The following CA1 variants were observed in gnomAD, a reference collection of about 807,000 sequenced individuals.
CA1 encodes the protein carbonic anhydrase 1, also known as carbonate dehydratase I.
In CA1, 27 loss-of-function variants were observed where a neutral mutation model predicts 28.8. That is an observed-to-expected ratio of 0.94 (90% CI 0.69 to 1.29). The LOEUF (loss-of-function observed/expected upper bound fraction) is 1.29, where lower values mean the gene tolerates loss of function less well. Among genes scored for constraint, CA1 ranks in the 50% most tolerant of loss-of-function variants. CA1 has a pLI of 0.00. For missense variants in CA1, 335 were observed against 310.5 expected, an observed-to-expected ratio of 1.08 and a Z score of -0.59; for synonymous variants, 121 against 108.8, an observed-to-expected ratio of 1.11 and a Z score of -0.70.
intron 1 of CA1, among the ~76,000 whole-genome samples, chr8:85,372,478 T>G (rs564844098): frequency 6.6e-6 from 1 of 152,284 alleles, no homozygotes; most frequent in South Asian, 2.1e-4. Flanking sequence ...AGTATATATC[T>G]GAAAGAAGTG....
intron 1 of CA1, among the ~76,000 whole-genome samples, chr8:85,349,598 T>C (rs1273347917): frequency 1.3e-5 from 2 of 152,228 alleles, no homozygotes; most frequent in Non-Finnish European, 2.9e-5. Context: ...ACCACCATTA[T>C]CTTTGGAGAG....
chr8:85,331,780 T>C (rs1808417378), intron 6 of CA1, among the ~76,000 whole-genome samples: 1 of 152,082 alleles, frequency 6.6e-6, no homozygotes, highest in Non-Finnish European at 1.5e-5. Context: ...TCTTATTTTA[T>C]TCTTTTCTGC....
chr8:85,355,810 G>A (rs1300380813), intron 1 of CA1, among the ~76,000 whole-genome samples: 2 of 151,336 alleles, frequency 1.3e-5, no homozygotes, highest in African/African-American at 2.4e-5. Context: ...CTTATTATGT[G>A]AACCAAGCCA....
chr8:85,347,530 G>A (rs1483164465), intron 1 of CA1, among the ~76,000 whole-genome samples: 1 of 152,118 alleles, frequency 6.6e-6, no homozygotes, highest in East Asian at 1.9e-4. Flanking sequence ...GTAATTTCAG[G>A]TGGGCTGGCC....
intron 6 of CA1, among the ~76,000 whole-genome samples, chr8:85,331,234 C>G (rs1808381128): frequency 6.6e-6 from 1 of 152,034 alleles, no homozygotes; most frequent in Admixed American, 6.5e-5. Context: ...TTCAAATTTA[C>G]TGGCATAATG....
chr8:85,336,228 A>G (rs1207714098), intron 4 of CA1, among the ~76,000 whole-genome samples: 1 of 152,204 alleles, frequency 6.6e-6, no homozygotes, highest in Non-Finnish European at 1.5e-5. Context: ...AATTATATAT[A>G]TTATAGAATT....
At position 85,341,652 on chromosome 8, in the gene CA1, T is replaced by G. The variant is rs1564027592; in HGVS notation, c.-17A>C. ...ACTTGCCATTATCTTCTACTGAGTTTTCTTTTTCTGAAAACAAAAATAATA... is the reference window on the plus strand; with the variant it reads ...ACTTGCCATTATCTTCTACTGAGTTGTCTTTTTCTGAAAACAAAAATAATA... On this transcript the variant is annotated 5_prime_UTR_variant, in exon 2 of 8. Coordinates refer to ENST00000523022, the MANE Select transcript of CA1 (RefSeq NM_001128831.4). The G allele has an allele frequency of 5.7e-6, 9 of 1,581,764 alleles. No homozygotes were observed. Among genetic ancestry groups the G allele is most frequent in the Non-Finnish European group, 7.8e-6 (9 of 1,150,834 alleles).
chr8:85,364,156 A>T (rs1809917600), intron 1 of CA1, among the ~76,000 whole-genome samples: 1 of 152,010 alleles, frequency 6.6e-6, no homozygotes, highest in African/African-American at 2.4e-5. Context: ...CCCCAAATTT[A>T]TTCTGTGTCT....
rs1809094385 is a variant in CA1, at chr8:85,344,377, T to C, written c.-24-2718A>G. Among the ~76,000 whole-genome samples the C allele has an allele frequency of 2.1e-5, 3 of 145,200 alleles. No individual in the cohort carries two copies. The South Asian group carries it at 6.3e-4, about 31-fold the overall frequency. On this transcript the variant is annotated intron_variant, in intron 1 of 7. Transcript: ENST00000523022. ...TATGTATATTAGATTATTACATTTATTTATTAACACCAATTAATTTCTAAA... is the reference window on the plus strand; with the variant it reads ...TATGTATATTAGATTATTACATTTACTTATTAACACCAATTAATTTCTAAA...
intron 7 of CA1, 52 bp from the exon 8 acceptor site, chr8:85,328,728 C>G: frequency 8.4e-7 from 1 of 1,185,138 alleles, no homozygotes; most frequent in South Asian, 1.3e-5. Flanking sequence ...TTACATAAAG[C>G]GTTTTATTTA....
chr8:85,370,050 G>C (rs1383255470), intron 1 of CA1, among the ~76,000 whole-genome samples: 1 of 152,140 alleles, frequency 6.6e-6, no homozygotes, highest in Admixed American at 6.6e-5. Context: ...AACTGAAATG[G>C]GGGGGAAGTT....
At chr8:85,333,390 T>C in intron 5 of CA1, 135 bp downstream of exon 5, 2 of 629,496 alleles carry the variant, frequency 3.2e-6, no homozygotes, top group Non-Finnish European at 5.8e-6. Context: ...GAACTATTTG[T>C]TCACCTGTAG....
chr8:85,336,985 C>T lies in CA1; in HGVS notation c.314G>A (p.Gly105Asp). The change falls in exon 4 of 8, where the codon GGT becomes GAT. Residue 105 changes from glycine to aspartate, a missense_variant. Physicochemically the swap from Gly to Asp is moderately conservative, Grantham distance 94 (BLOSUM62 -1). Transcript: ENST00000523022. The part of the protein sequence containing the change: ...HFHWGSTNEH[G>D]SEHTVDGVKY... Reference sequence around the variant, plus strand: ...GACTCCATCCACTGTATGTTCTGAACCATGCTCATTTGTACTGCCCCAGTG... The same window carrying T: ...GACTCCATCCACTGTATGTTCTGAATCATGCTCATTTGTACTGCCCCAGTG... 5 of 1,612,586 alleles carry T rather than the reference C, an allele frequency of 3.1e-6. No homozygotes were observed. Among genetic ancestry groups the T allele is most frequent in the Non-Finnish European group, 4.2e-6 (5 of 1,178,746 alleles).
intron 1 of CA1, among the ~76,000 whole-genome samples, chr8:85,355,343 A>C (rs565378452): frequency 1.3e-5 from 2 of 152,326 alleles, no homozygotes; most frequent in African/African-American, 4.8e-5. Context: ...AGAAACTTTA[A>C]AGCTTAGTGA....
intron 1 of CA1, among the ~76,000 whole-genome samples, chr8:85,348,058 T>C (rs899003061): frequency 2.0e-5 from 3 of 152,204 alleles, no homozygotes; most frequent in African/African-American, 7.2e-5. Context: ...TTGTAGACTT[T>C]TACAAACATT....
At chr8:85,361,891 C>T (rs767386584) in intron 1 of CA1, among the ~76,000 whole-genome samples, 6 of 152,114 alleles carry the variant, frequency 3.9e-5, no homozygotes, top group Non-Finnish European at 8.8e-5. Context: ...TCTGGGCAGG[C>T]AATCCACATC....
intron 7 of CA1, among the ~76,000 whole-genome samples, chr8:85,329,459 G>C (rs7827474): frequency 0.018 from 2,795 of 152,134 alleles, 92 homozygotes; most frequent in African/African-American, 0.064. Context: ...TTATTAAGGA[G>C]GAAAGAGTGG....
chr8:85,329,908 A>G, intron 6 of CA1, 64 bp from the exon 7 acceptor site: 1 of 1,213,146 alleles, frequency 8.2e-7, no homozygotes, highest in Non-Finnish European at 1.2e-6. Context: ...TATGTGACAT[A>G]TATATGCTAT....
chr8:85,341,486 A>G, intron 2 of CA1, 113 bp downstream of exon 2: 2 of 745,268 alleles, frequency 2.7e-6, no homozygotes, highest in Non-Finnish European at 4.8e-6. Flanking sequence ...TTTAAAGCAG[A>G]CAGTTCAACA....
Sources: gnomAD v4.1 joint callset for allele counts (sites outside exome capture counted in the v4.1 genomes callset) on GRCh38, gnomAD v4.1.1 for gene constraint, MANE v1.5 for transcripts, NCBI Gene and HGNC (gene_info 2026-07-23, HGNC 2026-07-21) for gene names.